The following DGKB variants were observed in gnomAD, a reference collection of about 807,000 sequenced individuals.
The protein encoded by DGKB is 90 kDa diacylglycerol kinase.
A neutral mutation model predicts 114.3 loss-of-function variants in DGKB; 67 were observed. That is an observed-to-expected ratio of 0.59 (90% CI 0.48 to 0.72). The LOEUF is 0.72. Ranked by LOEUF, DGKB falls within the 30% of genes least tolerant of loss-of-function variation. The probability of loss-of-function intolerance (pLI) is 0.00; values close to 1 mark genes in which losing one functional copy is unlikely to be tolerated. For synonymous variants in DGKB, 398 were observed against 323.1 expected (o/e 1.23, Z -2.49); for missense variants, 907 against 975.2 (o/e 0.93, Z 0.93).
At chr7:14,332,905 T>C (rs1024425839) in intron 23 of DGKB, among the ~76,000 whole-genome samples, 6 of 152,148 alleles carry the variant, frequency 3.9e-5, no homozygotes, top group African/African-American at 1.4e-4. Context: ...GTTGTATCCA[T>C]ATGCAGGGTA....
At chr7:14,893,822 C>G (rs73680372) in intron 1 of DGKB, among the ~76,000 whole-genome samples, 245 of 151,402 alleles carry the variant, frequency 1.6e-3, no homozygotes, top group African/African-American at 5.3e-3. Context: ...CTTGTTCTCC[C>G]CATCTCCTAT....
chr7:14,417,237 G>T lies in DGKB; in HGVS notation c.1835+60924C>A, dbSNP rs148236656. On this transcript the variant is annotated intron_variant, in intron 21 of 25. Coordinates refer to ENST00000402815, the MANE Select transcript of DGKB (RefSeq NM_001350709.2). Reference sequence around the variant, plus strand: ...ACATTTTTAAATATATTATAATTATGATTAATTTCACAATTTCAAAGATTT... The same window carrying T: ...ACATTTTTAAATATATTATAATTATTATTAATTTCACAATTTCAAAGATTT... Among the ~76,000 whole-genome samples the T allele has an allele frequency of 1.2e-3, 185 of 152,016 alleles. 1 individual carries two copies. Among genetic ancestry groups the T allele is most frequent in the African/African-American group, 4.1e-3 (170 of 41,512 alleles).
chr7:14,718,575 G>C lies in DGKB; in HGVS notation c.433C>G (p.Leu145Val), dbSNP rs1241403013. Residue 145 changes from leucine to valine, a missense_variant, in exon 6 of 26, where the codon CTT (leucine) becomes GTT (valine). Leu to Val is a conservative substitution (Grantham distance 32). Around this residue, in one of 3 missense-constraint regions of DGKB, gnomAD observed 814 missense variants for 856.6 expected, o/e 0.95. Coordinates refer to ENST00000402815, the MANE Select transcript of DGKB (RefSeq NM_001350709.2). ...TTATCCTCAGGTCTTCCTCTTTCAA[G>C]CAGAGACAGGTAACAGACAATGTCC... ...LKDIVCYLSL[L>V]ERGRPEDKLE... is the part of the protein sequence containing the mutation. 6.2e-7 allele frequency: 1 copy of C among 1,612,678 alleles called. No homozygotes were observed.
intron 21 of DGKB, among the ~76,000 whole-genome samples, chr7:14,405,436 A>G (rs1052142050): frequency 1.1e-4 from 16 of 152,086 alleles, no homozygotes; most frequent in African/African-American, 3.6e-4. Flanking sequence ...TTAAATTTGG[A>G]TAATAATAGC....
At chr7:14,786,489 T>C (rs926610242) in intron 2 of DGKB, among the ~76,000 whole-genome samples, 2 of 152,182 alleles carry the variant, frequency 1.3e-5, no homozygotes, top group Admixed American at 1.3e-4. Flanking sequence ...TGGGGAGGCA[T>C]GGCCAGGGCT....
chr7:14,840,744 A>ACACACC (rs1554298987), intron 2 of DGKB, among the ~76,000 whole-genome samples: 1,343 of 116,206 alleles, frequency 0.012, 14 homozygotes, highest in Non-Finnish European at 0.017. Flanking sequence ...ACACACACAC[A>ACACACC]CCTCTCCCTT....
At chr7:14,762,695 C>T (rs1335935469) in intron 2 of DGKB, among the ~76,000 whole-genome samples, 2 of 152,014 alleles carry the variant, frequency 1.3e-5, no homozygotes, top group Non-Finnish European at 2.9e-5. Context: ...AAACTCAACA[C>T]ATACTTGTCA....
intron 2 of DGKB, among the ~76,000 whole-genome samples, chr7:14,832,278 A>G (rs1316145250): frequency 6.6e-6 from 1 of 152,092 alleles, no homozygotes; most frequent in Non-Finnish European, 1.5e-5. Context: ...ACAAAAATCA[A>G]GATTTGGCCT....
At chr7:14,345,893 T>C (rs1812394407) in intron 21 of DGKB, among the ~76,000 whole-genome samples, 1 of 151,770 alleles carries the variant, frequency 6.6e-6, no homozygotes, top group East Asian at 1.9e-4. Flanking sequence ...ATTTATTTTC[T>C]TCTATGACTT....
chr7:14,883,533 G>C (rs1257483616), intron 1 of DGKB, among the ~76,000 whole-genome samples: 1 of 151,956 alleles, frequency 6.6e-6, no homozygotes, highest in African/African-American at 2.4e-5. Context: ...TATATACATA[G>C]AGATAGAGAT....
At chr7:14,450,773 G>T (rs185150087) in intron 21 of DGKB, among the ~76,000 whole-genome samples, 1 of 152,164 alleles carries the variant, frequency 6.6e-6, no homozygotes, top group East Asian at 1.9e-4. Context: ...TGGATCTGAG[G>T]AAAGTCCTCG....
chr7:14,872,996 C>T (rs1318621418), intron 1 of DGKB, among the ~76,000 whole-genome samples: 2 of 151,856 alleles, frequency 1.3e-5, no homozygotes, highest in Admixed American at 1.3e-4. Flanking sequence ...AAAATGTAAT[C>T]CCTTGCCTCC....
chr7:14,963,074 G>T (rs1423251804), intron 1 of DGKB, among the ~76,000 whole-genome samples: 1 of 152,024 alleles, frequency 6.6e-6, no homozygotes. Flanking sequence ...ACATTGACCA[G>T]ACAGTTTTCA....
chr7:14,911,476 CAG>C (rs1369883184), intron 1 of DGKB, among the ~76,000 whole-genome samples: 3 of 152,030 alleles, frequency 2.0e-5, no homozygotes, highest in African/African-American at 4.8e-5. Flanking sequence ...CCAGGACTCT[CAG>C]AGTTTTTTTC....
In DGKB at chr7:14,835,266, A is replaced by ATTT. The variant is rs1846990598; in HGVS notation, c.70+5927_70+5928insAAA. ...AAGTGTTTTAACTGAAAAGGCTTAAATATTTTAAAAGTCCACATTTCATAT... is the reference window on the plus strand; with the variant it reads ...AAGTGTTTTAACTGAAAAGGCTTAAATTTTATTTTAAAAGTCCACATTTCATAT... On this transcript the variant is annotated intron_variant, in intron 2 of 25. Transcript: ENST00000402815. Among the ~76,000 whole-genome samples the ATTT allele has an allele frequency of 3.3e-5, 5 of 152,340 alleles. No individual in the cohort carries two copies. The South Asian group carries it at 1.0e-3, about 32-fold the overall frequency.
chr7:14,945,297 G>C (rs1182751206), intron 1 of DGKB, among the ~76,000 whole-genome samples: 1 of 151,806 alleles, frequency 6.6e-6, no homozygotes, highest in African/African-American at 2.4e-5. Flanking sequence ...CATCAATAGA[G>C]TTAGAAGGTG....
intron 25 of DGKB, among the ~76,000 whole-genome samples, chr7:14,173,892 A>G (rs1781361573): frequency 1.3e-5 from 2 of 152,202 alleles, no homozygotes; most frequent in African/African-American, 4.8e-5. Context: ...AAGAAAATTA[A>G]TATAAGTTAC....
In DGKB at chr7:14,328,837, A is replaced by G. The variant is rs929333604; in HGVS notation, c.2122+9678T>C. Reference sequence around the variant, plus strand: ...GTCACCTTATAATATTCAGACCTCAATACTTAATCTGATTAATATCTGATA... The same window carrying G: ...GTCACCTTATAATATTCAGACCTCAGTACTTAATCTGATTAATATCTGATA... On this transcript the variant is annotated intron_variant, in intron 23 of 25. Coordinates refer to ENST00000402815, the MANE Select transcript of DGKB (RefSeq NM_001350709.2). 1.1e-4 allele frequency among the ~76,000 whole-genome samples: 17 copies of G among 152,136 alleles called. No individual in the cohort carries two copies. In the East Asian group the frequency reaches 1.7e-3, roughly 16 times the overall value.
At chr7:14,777,244 G>T (rs1423291416) in intron 2 of DGKB, among the ~76,000 whole-genome samples, 3 of 152,132 alleles carry the variant, frequency 2.0e-5, no homozygotes, top group Non-Finnish European at 4.4e-5. Flanking sequence ...CCTTGTCTCA[G>T]ATGAGACTTT....
Sources: allele counts gnomAD v4.1 joint callset (sites outside exome capture counted in the v4.1 genomes callset), GRCh38; gene constraint gnomAD v4.1.1; regional missense constraint gnomAD v4.1.1; transcripts MANE v1.5; gene names NCBI Gene and HGNC (gene_info 2026-07-23, HGNC 2026-07-21).